The following PBRM1 variants were observed in gnomAD, a reference collection of about 807,000 sequenced individuals.
PBRM1 encodes protein polybromo-1.
In PBRM1, 27 loss-of-function variants were observed where a neutral mutation model predicts 194.5. The observed-to-expected ratio is 0.14, with a 90% CI of 0.10 to 0.19. The LOEUF (loss-of-function observed/expected upper bound fraction) is 0.19, where lower values mean the gene tolerates loss of function less well. Ranked by LOEUF, PBRM1 falls within the 10% of genes least tolerant of loss-of-function variation. The probability of loss-of-function intolerance (pLI) is 1.00; values close to 1 mark genes in which losing one functional copy is unlikely to be tolerated. For missense variants in PBRM1, 1,466 were observed against 2,077.2 expected (o/e 0.71, Z 5.72); for synonymous variants, 655 against 693.2 (o/e 0.94, Z 0.87).
At chr3:52,648,491 A>G (rs2153783217) in intron 6 of PBRM1, 49 bp from the exon 8 acceptor site, 2 of 961,608 alleles carry the variant, frequency 2.1e-6, no homozygotes, top group Non-Finnish European at 3.2e-6. Flanking sequence ...AGAGTTCATC[A>G]GTACAACCTT....
upstream of PBRM1, among the ~76,000 whole-genome samples, chr3:52,683,912 T>C (rs2097261091): frequency 2.6e-5 from 4 of 152,244 alleles, no homozygotes; most frequent in Admixed American, 2.6e-4. Flanking sequence ...GGCTCATATC[T>C]GTAGTCCCAG....
At chr3:52,666,535 C>CA (rs373241275) in intron 3 of PBRM1, among the ~76,000 whole-genome samples, 140 of 120,506 alleles carry the variant, frequency 1.2e-3, no homozygotes, top group Admixed American at 3.1e-3. Context: ...GACTCCATCT[C>CA]AAAAAAAAAA....
chr3:52,580,279 C>T (rs531919239), intron 20 of PBRM1, among the ~76,000 whole-genome samples: 1 of 152,214 alleles, frequency 6.6e-6, no homozygotes, highest in Admixed American at 6.5e-5. Flanking sequence ...ACTGATAGAT[C>T]TAAAATTTTT....
At chr3:52,596,390 A>G (rs1445524712) in intron 17 of PBRM1, among the ~76,000 whole-genome samples, 2 of 128,372 alleles carry the variant, frequency 1.6e-5, no homozygotes, top group Admixed American at 1.8e-4. Flanking sequence ...GTGAGTCGAG[A>G]TTGTGCCACT....
upstream of PBRM1, among the ~76,000 whole-genome samples, chr3:52,684,698 T>C (rs145617261): frequency 6.0e-4 from 91 of 152,368 alleles, no homozygotes; most frequent in South Asian, 3.3e-3. Context: ...GACTTGATAG[T>C]AATCTATCAT....
intron 22 of PBRM1, among the ~76,000 whole-genome samples, chr3:52,573,604 C>A (rs2088268351): frequency 6.6e-6 from 1 of 152,090 alleles, no homozygotes; most frequent in African/African-American, 2.4e-5. Flanking sequence ...CAGAATGTAA[C>A]ACATTCTAAC....
intron 9 of PBRM1, 97 bp downstream of exon 10, chr3:52,643,151 C>A: frequency 1.1e-6 from 1 of 883,510 alleles, no homozygotes; most frequent in Non-Finnish European, 1.9e-6. Context: ...CAAACTATAC[C>A]CAAAAATATT....
intron 29 of PBRM1, 136 bp from the exon 32 acceptor site, chr3:52,548,371 A>G: frequency 1.8e-6 from 1 of 557,874 alleles, no homozygotes; most frequent in South Asian, 3.2e-5. Context: ...TAACTGCAGA[A>G]TATTTCCAGG....
intron 1 of PBRM1, among the ~76,000 whole-genome samples, chr3:52,685,162 C>T (rs2097290443): frequency 6.6e-6 from 1 of 152,100 alleles, no homozygotes; most frequent in African/African-American, 2.4e-5. Context: ...TATATTTTTG[C>T]AACTCTTTCT....
At chr3:52,545,701 G>T (rs1250105416), downstream of PBRM1, 3 of 232,652 alleles carry the variant, frequency 1.3e-5, no homozygotes, top group Non-Finnish European at 2.5e-5. Context: ...GTTCCCCTCA[G>T]TCCCCCCGTT....
In PBRM1 at chr3:52,548,245, A is replaced by G. The variant is rs2079954478; in HGVS notation, c.4898-10T>C. The G allele has an allele frequency of 2.5e-6, 4 of 1,570,726 alleles. No individual in the cohort carries two copies. Among genetic ancestry groups the G allele is most frequent in the Non-Finnish European group, 3.4e-6 (4 of 1,164,314 alleles). On this transcript the variant is annotated splice_polypyrimidine_tract_variant and intron_variant, in intron 29 of 29. Transcript: ENST00000296302. ...ACGTCGCGTCTTCGAGCTGAAAATT[A>G]AAGTACAGAGAGACAGAAATTAGAA...
intron 16 of PBRM1, 94 bp from the exon 19 acceptor site, chr3:52,603,826 GA>G (rs1301267433): frequency 1.9e-6 from 2 of 1,071,512 alleles, no homozygotes; most frequent in Non-Finnish European, 2.7e-6. Flanking sequence ...TTCTTTAATT[GA>G]TATAGTGGTA....
At chr3:52,628,829 C>T in intron 12 of PBRM1, 65 bp downstream of exon 13, 3 of 1,473,294 alleles carry the variant, frequency 2.0e-6, no homozygotes, top group Non-Finnish European at 2.8e-6. Context: ...CTAGAACACA[C>T]TCAAAACATG....
chr3:52,623,533 C>T (rs2095347854), intron 13 of PBRM1, among the ~76,000 whole-genome samples: 1 of 152,170 alleles, frequency 6.6e-6, no homozygotes. Context: ...TCTTCCCAGA[C>T]AAGTAACATC....
chr3:52,633,127 A>G lies in PBRM1; in HGVS notation c.1301+1475T>C, dbSNP rs560350505. On this transcript the variant is annotated intron_variant, in intron 11 of 29. Coordinates refer to ENST00000296302, the Ensembl canonical transcript of PBRM1. ...AAGACTGACACTCTATACCCATTAA[A>G]CAGTAACTTCCTGTTTCCCTCTTCC... is the stretch of plus-strand genomic sequence containing the variant. 3.9e-5 allele frequency among the ~76,000 whole-genome samples: 6 copies of G among 152,142 alleles called. No homozygotes were observed. In the East Asian group the frequency reaches 9.7e-4, roughly 24 times the overall value.
At chr3:52,682,374 T>TAAAAAAAAA (rs34758458), upstream of PBRM1, 3 of 132,534 alleles carry the variant, frequency 2.3e-5, no homozygotes, top group Non-Finnish European at 3.2e-5. Context: ...TTGACAAGGT[T>TAAAAAAAAA]AAAAAAAAAA....
At chr3:52,571,270 C>G (rs1474148878) in intron 22 of PBRM1, among the ~76,000 whole-genome samples, 2 of 149,104 alleles carry the variant, frequency 1.3e-5, no homozygotes, top group South Asian at 2.1e-4. Context: ...TTGCAGTGAG[C>G]CGAGATTGTG....
Position 52,567,582 on chromosome 3 carries a change from GAAAAAAGA to G in PBRM1, c.3692-3357_3692-3350del, listed in dbSNP as rs1480548082. ...GGTAATCTCAAAAAAAAAAAAAAAA[GAAAAAAGA>G]AAAAAAGAAAAATGAAAAAGAAAAG... On this transcript the variant is annotated intron_variant, in intron 22 of 29. Coordinates refer to ENST00000296302, the Ensembl canonical transcript of PBRM1. 3.9e-4 allele frequency among the ~76,000 whole-genome samples: 45 copies of G among 115,548 alleles called. No homozygotes were observed. In the South Asian group the frequency reaches 9.6e-3, roughly 25 times the overall value. The allele number at this position is 115,548 out of a possible 152,430, so 75.8% of individuals were successfully genotyped here. A position where few individuals can be genotyped will look rare whatever the true frequency, so the allele number is the denominator to read the frequency against.
rs749887059 is a variant in PBRM1 at position 52,592,835 on chromosome 3, C to A, written c.2780-3580G>T. 2.0e-5 allele frequency among the ~76,000 whole-genome samples: 3 copies of A among 152,278 alleles called. No homozygotes were observed. In the East Asian group the frequency reaches 5.8e-4, roughly 29 times the overall value. ...ATACATTACTAATTCAATCTCAGAG[C>A]TTGTTATTGGTCTGTTCAGGGATTC... On this transcript the variant is annotated intron_variant, in intron 17 of 29. Coordinates refer to ENST00000296302, the Ensembl canonical transcript of PBRM1.
Sources: gnomAD v4.1 joint callset for allele counts (sites outside exome capture counted in the v4.1 genomes callset) on GRCh38, gnomAD v4.1.1 for gene constraint, MANE v1.5 for transcripts, NCBI Gene and HGNC (gene_info 2026-07-23, HGNC 2026-07-21) for gene names.